Variants in RPS6KC1 observed in about 807,000 individuals in gnomAD.
RPS6KC1 encodes the protein ribosomal protein S6 kinase C1.
Under a neutral mutation model 103.8 loss-of-function variants are expected in RPS6KC1, and 54 were observed. The observed-to-expected ratio is 0.52, with a 90% CI of 0.42 to 0.65. RPS6KC1 has a LOEUF of 0.65. RPS6KC1 is among the 30% of genes least tolerant of loss of function. RPS6KC1 has a pLI of 0.00. For synonymous variants in RPS6KC1, 439 were observed against 438.7 expected (o/e 1.00, Z -0.01); for missense variants, 1,151 against 1,253.8 (o/e 0.92, Z 1.24).
the RPS6KC1 span, among the ~76,000 whole-genome samples, chr1:213,733,201 G>A: frequency 3.3e-5 from 5 of 149,630 alleles, no homozygotes; most frequent in African/African-American, 9.9e-5. Flanking sequence ...TCTATTTCTA[G>A]TTTAGGGTTT....
At chr1:213,425,236 C>T in the RPS6KC1 span, among the ~76,000 whole-genome samples, 3 of 152,160 alleles carry the variant, frequency 2.0e-5, no homozygotes, top group African/African-American at 7.2e-5. Context: ...GCAATTATTA[C>T]AATTATACTA....
chr1:213,254,733 T>C (rs2094604650), intron 12 of RPS6KC1, among the ~76,000 whole-genome samples: 1 of 152,238 alleles, frequency 6.6e-6, no homozygotes, highest in African/African-American at 2.4e-5. Flanking sequence ...GATTCTTTGA[T>C]ATCACCATCT....
At chr1:213,394,027 G>A in the RPS6KC1 span, among the ~76,000 whole-genome samples, 1 of 152,140 alleles carries the variant, frequency 6.6e-6, no homozygotes, top group African/African-American at 2.4e-5. Flanking sequence ...GAGGCCAAGG[G>A]ACATGGAGCC....
At chr1:213,571,623 C>G in the RPS6KC1 span, among the ~76,000 whole-genome samples, 2 of 152,208 alleles carry the variant, frequency 1.3e-5, no homozygotes, top group Admixed American at 1.3e-4. Flanking sequence ...CTCACCAGCT[C>G]AGTCTGGCTA....
At chr1:213,420,216 G>C in the RPS6KC1 span, among the ~76,000 whole-genome samples, 1 of 152,188 alleles carries the variant, frequency 6.6e-6, no homozygotes, top group Admixed American at 6.5e-5. Flanking sequence ...TGGGCAGCTC[G>C]GCCCCTGCTC....
At chr1:213,150,892 G>A (rs919131259) in intron 6 of RPS6KC1, among the ~76,000 whole-genome samples, 8 of 152,032 alleles carry the variant, frequency 5.3e-5, no homozygotes, top group African/African-American at 1.7e-4. Flanking sequence ...AGGGGTGGCC[G>A]GGCAGAGGCG....
chr1:213,589,938 G>GGTGTGT, the RPS6KC1 span, among the ~76,000 whole-genome samples: 1,667 of 132,782 alleles, frequency 0.013, 49 homozygotes, highest in East Asian at 0.094. Context: ...AAAAGGTAGT[G>GGTGTGT]GTGTGTGTGT....
chr1:213,253,470 C>T (rs1250499775), intron 12 of RPS6KC1, among the ~76,000 whole-genome samples: 1 of 152,146 alleles, frequency 6.6e-6, no homozygotes, highest in Admixed American at 6.5e-5. Flanking sequence ...GCTTAAAATG[C>T]AAGATGGTTC....
At chr1:213,480,274 A>G in the RPS6KC1 span, among the ~76,000 whole-genome samples, 2 of 151,890 alleles carry the variant, frequency 1.3e-5, no homozygotes, top group African/African-American at 2.4e-5. Flanking sequence ...TTTTATTTTT[A>G]TGTTCTTTAA....
At chr1:213,393,795 T>C in the RPS6KC1 span, among the ~76,000 whole-genome samples, 1 of 151,996 alleles carries the variant, frequency 6.6e-6, no homozygotes, top group Non-Finnish European at 1.5e-5. Flanking sequence ...GGAAGTTTGC[T>C]TGTGAAAGGG....
At chr1:213,182,866 A>T in intron 8 of RPS6KC1, among the ~76,000 whole-genome samples, 1 of 147,336 alleles carries the variant, frequency 6.8e-6, no homozygotes, top group African/African-American at 2.5e-5. Context: ...ATATATGTAT[A>T]TATATCATAT....
At chr1:213,140,830 G>A (rs1218995634) in intron 6 of RPS6KC1, among the ~76,000 whole-genome samples, 2 of 146,184 alleles carry the variant, frequency 1.4e-5, no homozygotes, top group African/African-American at 5.2e-5. Flanking sequence ...CTCATAGAAT[G>A]AGGGAGGAAT....
chr1:213,405,501 G>A, the RPS6KC1 span, among the ~76,000 whole-genome samples: 1 of 152,204 alleles, frequency 6.6e-6, no homozygotes, highest in African/African-American at 2.4e-5. Flanking sequence ...TATGTGGTGT[G>A]CATGGGTTAG....
chr1:213,788,687 C>T, the RPS6KC1 span, among the ~76,000 whole-genome samples: 1 of 152,144 alleles, frequency 6.6e-6, no homozygotes, highest in Admixed American at 6.5e-5. Flanking sequence ...TGACACCATG[C>T]GGATGGCCCA....
the RPS6KC1 span, among the ~76,000 whole-genome samples, chr1:213,427,826 A>C: frequency 1.3e-5 from 2 of 152,184 alleles, no homozygotes; most frequent in Admixed American, 6.5e-5. Context: ...TTCTTAATTT[A>C]TCTTTGGCAA....
chr1:213,146,139 AAT>A (rs2147824443), intron 6 of RPS6KC1, among the ~76,000 whole-genome samples: 1 of 149,706 alleles, frequency 6.7e-6, no homozygotes, highest in South Asian at 2.1e-4. Flanking sequence ...GAGAACATGC[AAT>A]GTTTGTCTTT....
At chr1:213,203,599 A>T (rs1372294727) in intron 8 of RPS6KC1, among the ~76,000 whole-genome samples, 1 of 151,992 alleles carries the variant, frequency 6.6e-6, no homozygotes, top group Non-Finnish European at 1.5e-5. Flanking sequence ...GAATATGTAA[A>T]CTTTTGTCTT....
chr1:213,077,461 A>G (rs2079446679), intron 2 of RPS6KC1, among the ~76,000 whole-genome samples: 1 of 152,192 alleles, frequency 6.6e-6, no homozygotes, highest in Non-Finnish European at 1.5e-5. Flanking sequence ...GCCGCTTTAT[A>G]TGTAATATAT....
At chr1:213,569,517 A>G in the RPS6KC1 span, among the ~76,000 whole-genome samples, 4 of 152,108 alleles carry the variant, frequency 2.6e-5, no homozygotes, top group Admixed American at 6.5e-5. Flanking sequence ...GTGTAAACTC[A>G]TAAGTCACCT....
Sources: gnomAD v4.1 joint callset for allele counts (sites outside exome capture counted in the v4.1 genomes callset) on GRCh38, gnomAD v4.1.1 for gene constraint, MANE v1.5 for transcripts, NCBI Gene and HGNC (gene_info 2026-07-23, HGNC 2026-07-21) for gene names.